Variants in ANKIB1 observed in about 807,000 individuals in gnomAD.
ANKIB1 encodes the protein ankyrin repeat and IBR domain-containing protein 1.
Under a neutral mutation model 122.1 loss-of-function variants are expected in ANKIB1, and 43 were observed. The observed-to-expected ratio is 0.35, with a 90% CI of 0.28 to 0.45. The LOEUF is 0.45. ANKIB1 is among the 20% of genes least tolerant of loss of function. ANKIB1 has a pLI of 1.00. For missense variants in ANKIB1, 992 were observed against 1,329.5 expected, an observed-to-expected ratio of 0.75 and a Z score of 3.95; for synonymous variants, 390 against 442.0, an observed-to-expected ratio of 0.88 and a Z score of 1.48.
rs370709148 is a variant in ANKIB1, at chr7:92,251,891, A to T, written c.-91+5372A>T. ...TCTTTATCTTCTGGCGCAGGATCCT[A>T]TCCAGGAATACATGTTACAGTTGGT... On this transcript the variant is annotated intron_variant, in intron 1 of 19. Coordinates refer to ENST00000265742, the MANE Select transcript of ANKIB1 (RefSeq NM_019004.2). Among the ~76,000 whole-genome samples, 48 of 152,346 alleles carry T rather than the reference A, an allele frequency of 3.2e-4. 1 individual carries two copies. Among genetic ancestry groups the T allele is most frequent in the African/African-American group, 9.9e-4 (41 of 41,578 alleles).
intron 11 of ANKIB1, among the ~76,000 whole-genome samples, chr7:92,378,877 G>A (rs772391704): frequency 3.3e-5 from 5 of 152,066 alleles, no homozygotes; most frequent in Admixed American, 2.6e-4. Context: ...AATAACCTTC[G>A]TGTGTATCAA....
intron 1 of ANKIB1, among the ~76,000 whole-genome samples, chr7:92,261,465 C>T (rs1312002307): frequency 6.6e-6 from 1 of 151,658 alleles, no homozygotes; most frequent in Admixed American, 6.6e-5. Context: ...CTTTCATTCT[C>T]TCTAAGGTAT....
intron 3 of ANKIB1, among the ~76,000 whole-genome samples, chr7:92,310,494 A>C (rs1473556237): frequency 6.6e-6 from 1 of 152,198 alleles, no homozygotes; most frequent in Non-Finnish European, 1.5e-5. Context: ...TAATTAAACC[A>C]GAAGAGTTTC....
At chr7:92,312,235 A>G (rs988050312) in intron 3 of ANKIB1, among the ~76,000 whole-genome samples, 1 of 152,198 alleles carries the variant, frequency 6.6e-6, no homozygotes, top group Admixed American at 6.5e-5. Flanking sequence ...CTTACACAGA[A>G]AAACCTGAAG....
In ANKIB1 at chr7:92,343,126, A is replaced by G. The variant is rs991054022; in HGVS notation, c.890A>G (p.Asn297Ser). 25 of 1,613,820 alleles carry G rather than the reference A, an allele frequency of 1.5e-5. No individual in the cohort carries two copies. Among genetic ancestry groups the G allele is most frequent in the Non-Finnish European group, 2.1e-5 (25 of 1,179,868 alleles). ...CCAACTCCACCACCAAGTGGGTATA[A>G]TGCCTGGGACACGCTCCCATCTCCA... ...QMPTPPPSGY[N>S]AWDTLPSPRT... is the part of the protein sequence containing the mutation. The change falls in exon 6 of 20, where the codon AAT (asparagine) becomes AGT (serine). Residue 297 changes from asparagine to serine, a missense_variant. Coordinates refer to ENST00000265742, the MANE Select transcript of ANKIB1 (RefSeq NM_019004.2).
intron 14 of ANKIB1, 54 bp downstream of exon 14, chr7:92,388,095 G>T (rs1025000903): frequency 1.4e-5 from 20 of 1,456,546 alleles, no homozygotes; most frequent in Non-Finnish European, 1.8e-5. Context: ...TTCCATGCTT[G>T]TCATTTCACT....
At chr7:92,308,455 A>G (rs1802613043) in intron 3 of ANKIB1, among the ~76,000 whole-genome samples, 1 of 152,140 alleles carries the variant, frequency 6.6e-6, no homozygotes, top group African/African-American at 2.4e-5. Flanking sequence ...TGTAGAATTG[A>G]TAAGCTCACT....
chr7:92,356,702 C>T (rs914081951), intron 9 of ANKIB1, among the ~76,000 whole-genome samples: 3 of 152,218 alleles, frequency 2.0e-5, no homozygotes, highest in African/African-American at 7.2e-5. Flanking sequence ...CTATCTGATG[C>T]AGTCAACATA....
At chr7:92,325,999 A>G (rs190243405) in intron 4 of ANKIB1, 3 of 432,252 alleles carry the variant, frequency 6.9e-6, no homozygotes, top group East Asian at 1.4e-4. Flanking sequence ...TTGCAACAGG[A>G]AAGAGAAAGG....
At chr7:92,253,561 G>A (rs1392238434) in intron 1 of ANKIB1, among the ~76,000 whole-genome samples, 1 of 152,122 alleles carries the variant, frequency 6.6e-6, no homozygotes, top group Non-Finnish European at 1.5e-5. Context: ...TATTCTAATA[G>A]TTAATTTTTA....
In ANKIB1 at chr7:92,319,529, T is replaced by C; in HGVS notation, c.669+17T>C. On this transcript the variant is annotated intron_variant, in intron 4 of 19. Transcript: ENST00000265742. ...AAACGAGAGGTCAGTTTATTTTTTCTTCTCAGTAAAAAAATTACATGTAAT... is the reference window on the plus strand; with the variant it reads ...AAACGAGAGGTCAGTTTATTTTTTCCTCTCAGTAAAAAAATTACATGTAAT... 6.3e-7 allele frequency: 1 copy of C among 1,585,186 alleles called. No homozygotes were observed. The highest frequency in any genetic ancestry group is 8.5e-7 in the Non-Finnish European group (1 of 1,172,378).
At chr7:92,337,112 C>T (rs551796138) in intron 5 of ANKIB1, among the ~76,000 whole-genome samples, 5 of 152,270 alleles carry the variant, frequency 3.3e-5, no homozygotes, top group African/African-American at 1.2e-4. Flanking sequence ...ATAAGTGATG[C>T]TTATTATTTT....
At position 92,304,806 on chromosome 7, in the gene ANKIB1, G is replaced by A. The variant is rs1052355991; in HGVS notation, c.189-2553G>A. Among the ~76,000 whole-genome samples, 25 of 151,902 alleles carry A rather than the reference G, an allele frequency of 1.6e-4. 1 individual carries two copies. The highest frequency in any genetic ancestry group is 5.1e-4 in the African/African-American group (21 of 41,436). On this transcript the variant is annotated intron_variant, in intron 2 of 19. Coordinates refer to ENST00000265742, the MANE Select transcript of ANKIB1 (RefSeq NM_019004.2). ...TATGACTGGGAATTTTATTATCAGC[G>A]GTTGAATAGGGAAAATATATATTTT...
intron 1 of ANKIB1, among the ~76,000 whole-genome samples, chr7:92,273,896 C>T (rs1414694283): frequency 2.6e-5 from 4 of 152,000 alleles, no homozygotes; most frequent in Non-Finnish European, 5.9e-5. Context: ...CCTCAGCCTC[C>T]TGAGTAGCAG....
intron 10 of ANKIB1, among the ~76,000 whole-genome samples, chr7:92,365,173 G>T (rs976962526): frequency 6.6e-6 from 1 of 152,074 alleles, no homozygotes. Flanking sequence ...TTTTAGAGAG[G>T]CAACTGTATA....
At chr7:92,316,385 C>T (rs1445706384) in intron 3 of ANKIB1, among the ~76,000 whole-genome samples, 4 of 152,132 alleles carry the variant, frequency 2.6e-5, no homozygotes, top group African/African-American at 7.2e-5. Context: ...GACTTTATGC[C>T]GTAAAGGTCA....
chr7:92,335,908 T>C (rs1803278218), intron 5 of ANKIB1, among the ~76,000 whole-genome samples: 1 of 152,116 alleles, frequency 6.6e-6, no homozygotes, highest in South Asian at 2.1e-4. Flanking sequence ...TTTAATTATC[T>C]GTTGGGTTTT....
intron 1 of ANKIB1, among the ~76,000 whole-genome samples, chr7:92,275,109 T>G (rs1413498286): frequency 6.6e-6 from 1 of 152,226 alleles, no homozygotes; most frequent in East Asian, 1.9e-4. Context: ...CTAAACTAGT[T>G]GCCTGTTGTG....
In ANKIB1 at chr7:92,400,205, CAT is replaced by C. The variant is rs1562803845; in HGVS notation, c.*1257_*1258del. The stretch of plus-strand genomic sequence containing the variant: ...TGTTTGCCTAACTAGCAAATGCTGA[CAT>C]GTGTTTGTTCTACTGCGCAATACTC... On this transcript the variant is annotated 3_prime_UTR_variant, in exon 20 of 20. Transcript: ENST00000265742. 6.6e-6 allele frequency: 1 copy of C among 152,258 alleles called. No homozygotes were observed. The highest frequency in any genetic ancestry group is 1.9e-4 in the East Asian group (1 of 5,190). 9.4% of individuals were successfully genotyped at this position (152,258 alleles called of 1,614,324 possible). A position where few individuals can be genotyped will look rare whatever the true frequency, so the allele number is the denominator to read the frequency against.
Sources: gnomAD v4.1 joint callset for allele counts (sites outside exome capture counted in the v4.1 genomes callset) on GRCh38, gnomAD v4.1.1 for gene constraint, MANE v1.5 for transcripts, NCBI Gene and HGNC (gene_info 2026-07-23, HGNC 2026-07-21) for gene names.